Variants in STPG2 observed in about 807,000 individuals in gnomAD.
The protein encoded by STPG2 is sperm-tail PG-rich repeat-containing protein 2.
Under a neutral mutation model 54.2 loss-of-function variants are expected in STPG2, and 56 were observed. The observed-to-expected ratio is 1.03, with a 90% CI of 0.83 to 1.29. STPG2 has a LOEUF of 1.29. Among genes scored for constraint, STPG2 ranks in the 50% most tolerant of loss-of-function variants. The pLI, the probability that STPG2 is intolerant of heterozygous loss-of-function variation, is 0.00. For synonymous variants in STPG2, 200 were observed against 181.8 expected, an observed-to-expected ratio of 1.10 and a Z score of -0.81; for missense variants, 596 against 544.9, an observed-to-expected ratio of 1.09 and a Z score of -0.93.
In STPG2 at chr4:97,836,849, T is replaced by C. The variant is rs547457176; in HGVS notation, c.1204+3924A>G. Among the ~76,000 whole-genome samples the C allele has an allele frequency of 4.0e-5, 6 of 149,294 alleles. No homozygotes were observed. In the East Asian group the frequency reaches 1.2e-3, roughly 29 times the overall value. On this transcript the variant is annotated intron_variant, in intron 9 of 10. Transcript: ENST00000295268. ...ATAATTAATATTAACAATATTTAAT[T>C]AATAAATGATAATTAATAACAATAA... is the stretch of plus-strand genomic sequence containing the variant.
intron 4 of STPG2, among the ~76,000 whole-genome samples, chr4:97,454,656 T>C (rs916484947): frequency 6.6e-6 from 1 of 151,044 alleles, no homozygotes; most frequent in Non-Finnish European, 1.5e-5. Context: ...CATGCAAAGT[T>C]AAATGTTTAA....
intron 4 of STPG2, among the ~76,000 whole-genome samples, chr4:97,476,091 C>T (rs1462910114): frequency 6.6e-6 from 1 of 152,088 alleles, no homozygotes; most frequent in Non-Finnish European, 1.5e-5. Context: ...TTTGTTAAAT[C>T]AATGAATGTA....
At chr4:97,524,246 C>T (rs989158755) in intron 4 of STPG2, among the ~76,000 whole-genome samples, 5 of 151,950 alleles carry the variant, frequency 3.3e-5, no homozygotes, top group African/African-American at 1.2e-4. Context: ...ATAATTTTTA[C>T]TGATATGATC....
At chr4:97,940,653 C>G (rs1016208860) in intron 8 of STPG2, among the ~76,000 whole-genome samples, 2 of 152,116 alleles carry the variant, frequency 1.3e-5, no homozygotes, top group African/African-American at 4.8e-5. Context: ...TCTGTTAGAC[C>G]TGTTAGGTTC....
chr4:97,816,702 T>TTTCCTTCC (rs538965512), intron 9 of STPG2, among the ~76,000 whole-genome samples: 2 of 151,554 alleles, frequency 1.3e-5, no homozygotes, highest in Middle Eastern at 3.4e-3. Context: ...TCTATCTTCC[T>TTTCCTTCC]TTCCTTCCTT....
chr4:97,684,901 A>G (rs997275810), intron 10 of STPG2, among the ~76,000 whole-genome samples: 1 of 152,022 alleles, frequency 6.6e-6, no homozygotes, highest in Non-Finnish European at 1.5e-5. Context: ...AAATTATAAA[A>G]TAGGAAAAAG....
At chr4:98,075,707 T>G (rs1738142908) in intron 5 of STPG2, among the ~76,000 whole-genome samples, 1 of 152,200 alleles carries the variant, frequency 6.6e-6, no homozygotes, top group Non-Finnish European at 1.5e-5. Context: ...TTCACCATTC[T>G]TTCTAAGATA....
intron 10 of STPG2, among the ~76,000 whole-genome samples, chr4:97,662,160 A>C (rs2148962152): frequency 6.6e-6 from 1 of 152,304 alleles, no homozygotes; most frequent in South Asian, 2.1e-4. Flanking sequence ...CAGACTCTAT[A>C]AGAAATTAAA....
chr4:97,699,303 G>A (rs1441361549), intron 10 of STPG2, among the ~76,000 whole-genome samples: 2 of 152,160 alleles, frequency 1.3e-5, no homozygotes, highest in Non-Finnish European at 2.9e-5. Flanking sequence ...TGAGGTGGCT[G>A]GGGAAAGAGG....
chr4:98,013,364 G>A (rs1735818865), intron 5 of STPG2, among the ~76,000 whole-genome samples: 1 of 152,058 alleles, frequency 6.6e-6, no homozygotes, highest in Admixed American at 6.5e-5. Context: ...TTTTATTGAG[G>A]GTTTTCGCAT....
intron 10 of STPG2, among the ~76,000 whole-genome samples, chr4:97,695,326 C>T (rs1043285374): frequency 6.6e-5 from 10 of 152,018 alleles, no homozygotes; most frequent in African/African-American, 2.4e-4. Context: ...GCAAAATCAG[C>T]ATAGAAGGAA....
intron 8 of STPG2, among the ~76,000 whole-genome samples, chr4:97,889,787 T>A (rs1276926602): frequency 1.3e-5 from 2 of 152,108 alleles, no homozygotes; most frequent in African/African-American, 4.8e-5. Flanking sequence ...ATAGTTAATA[T>A]ATTATTCTTG....
At chr4:97,840,736 T>G (rs770153993) in intron 9 of STPG2, 37 bp downstream of exon 9, 1 of 1,566,786 alleles carries the variant, frequency 6.4e-7, no homozygotes, top group Non-Finnish European at 8.6e-7. Flanking sequence ...CCTTAGAATT[T>G]TTTTCCTCAT....
chr4:97,829,264 G>A (rs1434783053), intron 9 of STPG2, among the ~76,000 whole-genome samples: 1 of 152,148 alleles, frequency 6.6e-6, no homozygotes, highest in Admixed American at 6.5e-5. Context: ...GAAAACTCCA[G>A]CAGACCTGCA....
chr4:98,096,083 A>C (rs1738847713), intron 5 of STPG2, among the ~76,000 whole-genome samples: 1 of 152,210 alleles, frequency 6.6e-6, no homozygotes, highest in South Asian at 2.1e-4. Flanking sequence ...TGAAGAAATT[A>C]AGAAGAAAGT....
At chr4:98,045,197 C>T (rs1376113594) in intron 5 of STPG2, among the ~76,000 whole-genome samples, 1 of 140,380 alleles carries the variant, frequency 7.1e-6, no homozygotes, top group South Asian at 2.4e-4. Flanking sequence ...GTCTTCACTG[C>T]CTCCTTTTCC....
chr4:97,506,701 G>A (rs1007055956), intron 4 of STPG2, among the ~76,000 whole-genome samples: 9 of 151,792 alleles, frequency 5.9e-5, no homozygotes, highest in African/African-American at 1.9e-4. Flanking sequence ...AATGGCAAAT[G>A]GACTGTTATA....
At chr4:97,730,476 G>T (rs1553908213) in intron 9 of STPG2, among the ~76,000 whole-genome samples, 2 of 152,058 alleles carry the variant, frequency 1.3e-5, no homozygotes, top group Non-Finnish European at 2.9e-5. Context: ...GGATGCATGT[G>T]TTTTTTTGGT....
chr4:97,951,255 T>C (rs1030321230), intron 7 of STPG2, among the ~76,000 whole-genome samples: 1 of 152,160 alleles, frequency 6.6e-6, no homozygotes, highest in Non-Finnish European at 1.5e-5. Flanking sequence ...TGGTCTCTCA[T>C]ACAGACAGCT....
Sources: gnomAD v4.1 joint callset for allele counts (sites outside exome capture counted in the v4.1 genomes callset) on GRCh38, gnomAD v4.1.1 for gene constraint, MANE v1.5 for transcripts, NCBI Gene and HGNC (gene_info 2026-07-23, HGNC 2026-07-21) for gene names.